The following REV3L variants were observed in gnomAD, a reference collection of about 807,000 sequenced individuals.
The protein encoded by REV3L is REV3 like, DNA directed polymerase zeta catalytic subunit.
REV3L carries 69 observed loss-of-function variants against 299.4 expected under a neutral mutation model. The observed-to-expected ratio is 0.23, with a 90% CI of 0.19 to 0.28. REV3L has a LOEUF of 0.28. Ranked by LOEUF, REV3L falls within the 10% of genes least tolerant of loss-of-function variation. REV3L has a pLI of 1.00. For synonymous variants in REV3L, 1,238 were observed against 1,271.4 expected (o/e 0.97, Z 0.56); for missense variants, 3,128 against 3,693.8 (o/e 0.85, Z 3.97).
chr6:111,339,062 T>C (rs1304070832), intron 21 of REV3L, among the ~76,000 whole-genome samples: 1 of 152,128 alleles, frequency 6.6e-6, no homozygotes, highest in East Asian at 1.9e-4. Flanking sequence ...TGTAAGGTGT[T>C]AGGCAAAAGC....
chr6:111,376,068 T>C lies in REV3L; in HGVS notation c.2287A>G (p.Thr763Ala), dbSNP rs1780272201. ...TTATTTAGTCCACTTTCATCAGCAG[T>C]GCTATTAAGAGAATGCACCATAGTT... ...NRTMVHSLNSTADESGLNKLK... is the reference protein window; with the variant it reads ...NRTMVHSLNSAADESGLNKLK... The change falls in exon 13 of 32, where the codon ACT becomes GCT. Residue 763 changes from threonine (T) to alanine (A), a missense_variant. By Grantham distance (58) the Thr-to-Ala change is moderately conservative. Around this residue, in one of 9 missense-constraint regions of REV3L, gnomAD observed 2,409 missense variants for 2,611.8 expected, o/e 0.92. Transcript: ENST00000368802. The C allele has an allele frequency of 6.2e-7, 1 of 1,613,780 alleles. No homozygotes were observed. The highest frequency in any genetic ancestry group is 1.3e-5 in the African/African-American group (1 of 74,918).
chr6:111,362,627 T>G (rs1314645692), intron 16 of REV3L, among the ~76,000 whole-genome samples: 2 of 152,202 alleles, frequency 1.3e-5, no homozygotes, highest in African/African-American at 4.8e-5. Flanking sequence ...CCTTTCAACA[T>G]GTAATCAATA....
intron 1 of REV3L, chr6:111,471,997 A>G (rs1562366253): frequency 3.5e-6 from 4 of 1,158,686 alleles, no homozygotes; most frequent in Non-Finnish European, 2.2e-6. Context: ...TATATTAACC[A>G]AAATAAATTA....
chr6:111,333,836 C>T (rs546487389), intron 22 of REV3L, among the ~76,000 whole-genome samples: 1 of 152,254 alleles, frequency 6.6e-6, no homozygotes, highest in Admixed American at 6.5e-5. Flanking sequence ...AAATCCTTTT[C>T]CTATTCCTAC....
At chr6:111,481,314 T>C (rs1034660568) in intron 1 of REV3L, among the ~76,000 whole-genome samples, 45 of 152,218 alleles carry the variant, frequency 3.0e-4, no homozygotes, top group Non-Finnish European at 5.4e-4. Flanking sequence ...AGCACCACTA[T>C]ATTTAAAAGG....
chr6:111,467,149 C>T (rs761330702), intron 1 of REV3L, among the ~76,000 whole-genome samples: 32 of 152,166 alleles, frequency 2.1e-4, no homozygotes, highest in Non-Finnish European at 3.8e-4. Flanking sequence ...GGTTCGACAA[C>T]TTTAAAATGT....
At chr6:111,339,505 CTT>C (rs1776266250) in intron 21 of REV3L, among the ~76,000 whole-genome samples, 1 of 151,974 alleles carries the variant, frequency 6.6e-6, no homozygotes, top group South Asian at 2.1e-4. Context: ...GAAATGAATG[CTT>C]ATTCATTTCA....
chr6:111,365,140 A>G, intron 15 of REV3L, 125 bp downstream of exon 15: 3 of 589,428 alleles, frequency 5.1e-6, no homozygotes, highest in Non-Finnish European at 8.6e-6. Context: ...AGATATGCAA[A>G]TAATGATGCA....
At chr6:111,372,323 C>A (rs1779880809) in intron 13 of REV3L, among the ~76,000 whole-genome samples, 1 of 152,140 alleles carries the variant, frequency 6.6e-6, no homozygotes, top group Non-Finnish European at 1.5e-5. Context: ...CACCTCTAAT[C>A]TTTAATGAAG....
intron 1 of REV3L, among the ~76,000 whole-genome samples, chr6:111,475,978 C>T (rs1792897078): frequency 6.6e-6 from 1 of 152,176 alleles, no homozygotes; most frequent in African/African-American, 2.4e-5. Context: ...TTTCCCTACT[C>T]ATAAATGAAG....
intron 31 of REV3L, among the ~76,000 whole-genome samples, chr6:111,303,161 C>CT (rs1192743753): frequency 1.1e-4 from 6 of 55,522 alleles, no homozygotes; most frequent in South Asian, 5.8e-4. Flanking sequence ...GCTTTCTTTT[C>CT]TTTCTTTTTT....
intron 23 of REV3L, among the ~76,000 whole-genome samples, chr6:111,332,700 T>C (rs1775520158): frequency 6.6e-6 from 1 of 152,198 alleles, no homozygotes; most frequent in South Asian, 2.1e-4. Flanking sequence ...TTAATTTACA[T>C]TAATTAATAA....
chr6:111,324,606 T>C (rs1774532629), intron 25 of REV3L, among the ~76,000 whole-genome samples: 4 of 152,222 alleles, frequency 2.6e-5, no homozygotes, highest in Admixed American at 2.6e-4. Context: ...GCTCTTACTC[T>C]GGCGCATTTA....
intron 9 of REV3L, among the ~76,000 whole-genome samples, chr6:111,387,346 C>T (rs1449841385): frequency 2.0e-5 from 3 of 152,082 alleles, no homozygotes; most frequent in Admixed American, 6.6e-5. Context: ...ATTGTGGAGA[C>T]GTTTGCACAA....
chr6:111,461,010 C>T (rs966365361), intron 1 of REV3L, among the ~76,000 whole-genome samples: 1 of 152,092 alleles, frequency 6.6e-6, no homozygotes, highest in Non-Finnish European at 1.5e-5. Context: ...ATGTTAAGTA[C>T]ATAATACTTG....
At chr6:111,386,988 C>T (rs756234736) in intron 9 of REV3L, among the ~76,000 whole-genome samples, 16 of 152,102 alleles carry the variant, frequency 1.1e-4, no homozygotes, top group Non-Finnish European at 1.9e-4. Flanking sequence ...TCTCAAATTG[C>T]TGAGATTACA....
chr6:111,482,321 G>A (rs1034363008), intron 1 of REV3L, among the ~76,000 whole-genome samples: 5 of 152,176 alleles, frequency 3.3e-5, no homozygotes, highest in African/African-American at 7.2e-5. Context: ...TCCAGAAAGC[G>A]GCACTTGGGG....
At position 111,299,778 on chromosome 6, in the gene REV3L, C is replaced by A; in HGVS notation, c.*238G>T. On this transcript the variant is annotated 3_prime_UTR_variant, in exon 32 of 32. Coordinates refer to ENST00000368802, the MANE Select transcript of REV3L (RefSeq NM_001372078.1). Reference sequence around the variant, plus strand: ...ACACATACTGGAGCAAATCCAACACCTGCATTATAAAACAATGTTTAAAAG... The same window carrying A: ...ACACATACTGGAGCAAATCCAACACATGCATTATAAAACAATGTTTAAAAG... 1 of 323,606 alleles carries A rather than the reference C, an allele frequency of 3.1e-6. No individual in the cohort carries two copies. 20.0% of individuals were successfully genotyped at this position (323,606 alleles called of 1,614,324 possible).
chr6:111,372,337 T>TA, intron 13 of REV3L, among the ~76,000 whole-genome samples: 1 of 152,322 alleles, frequency 6.6e-6, no homozygotes, highest in Admixed American at 6.5e-5. Context: ...AATGAAGACA[T>TA]AGTGTTAAAT....
Sources: gnomAD v4.1 joint callset for allele counts (sites outside exome capture counted in the v4.1 genomes callset) on GRCh38, gnomAD v4.1.1 for gene constraint, gnomAD v4.1.1 regional missense constraint, MANE v1.5 for transcripts, NCBI Gene and HGNC (gene_info 2026-07-23, HGNC 2026-07-21) for gene names.